The following EZR variants were observed in gnomAD, a reference collection of about 807,000 sequenced individuals.
EZR encodes the protein ezrin, also known as cytovillin 2.
In EZR, 40 loss-of-function variants were observed where a neutral mutation model predicts 74.8. That is an observed-to-expected ratio of 0.53 (90% CI 0.42 to 0.70). The LOEUF is 0.70. Ranked by LOEUF, EZR falls within the 30% of genes least tolerant of loss-of-function variation. The pLI, the probability that EZR is intolerant of heterozygous loss-of-function variation, is 0.00. For synonymous variants in EZR, 341 were observed against 283.3 expected, an observed-to-expected ratio of 1.20 and a Z score of -2.05; for missense variants, 678 against 755.8, an observed-to-expected ratio of 0.90 and a Z score of 1.21.
intron 3 of EZR, among the ~76,000 whole-genome samples, chr6:158,788,932 C>T (rs767018875): frequency 1.2e-4 from 19 of 152,242 alleles, no homozygotes; most frequent in East Asian, 7.7e-4. Context: ...GGTAGGAAGC[C>T]GCGTCTCTAA....
At chr6:158,767,161 G>T in intron 13 of EZR, 83 bp from the exon 14 acceptor site, 3 of 1,588,918 alleles carry the variant, frequency 1.9e-6, no homozygotes, top group Non-Finnish European at 2.6e-6. Flanking sequence ...AAGGGCAAGA[G>T]GGGTGCTGGG....
chr6:158,769,252 C>A (rs1198675652), intron 12 of EZR, 74 bp downstream of exon 12: 19 of 1,341,316 alleles, frequency 1.4e-5, no homozygotes, highest in Non-Finnish European at 1.6e-5. Context: ...CACCCACCTG[C>A]AGAAGGGCCC....
At position 158,766,066 on chromosome 6, in the gene EZR, C is replaced by T. The variant is rs1449657513; in HGVS notation, c.*848G>A. ...TAATCCTGTTTACACGTGACTGCAG[C>T]AGGCAGGTCCAGCTCCACCACTGCC... is the stretch of plus-strand genomic sequence containing the variant. On this transcript the variant is annotated 3_prime_UTR_variant, in exon 14 of 14. Coordinates refer to ENST00000367075, the MANE Select transcript of EZR (RefSeq NM_001111077.2). 6.6e-6 allele frequency: 1 copy of T among 152,614 alleles called. No individual in the cohort carries two copies. The highest frequency in any genetic ancestry group is 1.9e-4 in the East Asian group (1 of 5,200). 9.5% of individuals were successfully genotyped at this position (152,614 alleles called of 1,614,324 possible). A position where few individuals can be genotyped will look rare whatever the true frequency, so the allele number is the denominator to read the frequency against.
At chr6:158,813,577 C>T (rs992130296) in intron 2 of EZR, among the ~76,000 whole-genome samples, 1 of 152,238 alleles carries the variant, frequency 6.6e-6, no homozygotes, top group African/African-American at 2.4e-5. Context: ...AGATGCTACG[C>T]ATCCTCCTCA....
chr6:158,795,978 C>T (rs909376729), intron 2 of EZR, among the ~76,000 whole-genome samples: 1 of 152,204 alleles, frequency 6.6e-6, no homozygotes, highest in Non-Finnish European at 1.5e-5. Flanking sequence ...GGCCTTTTCC[C>T]ACTCTGAAAT....
At position 158,809,133 on chromosome 6, in the gene EZR, T is replaced by C. The variant is rs113569815; in HGVS notation, c.12+8949A>G. 5.3e-3 allele frequency among the ~76,000 whole-genome samples: 814 copies of C among 152,336 alleles called. 4 individuals are homozygous for C. Among genetic ancestry groups the C allele is most frequent in the African/African-American group, 0.019 (771 of 41,572 alleles). On this transcript the variant is annotated intron_variant, in intron 2 of 13. Transcript: ENST00000367075. ...AACAACACCTATCCTCTTGCTTTGCTGCCAGAAAAGACAAAAAGCACAAAT... is the reference window on the plus strand; with the variant it reads ...AACAACACCTATCCTCTTGCTTTGCCGCCAGAAAAGACAAAAAGCACAAAT...
chr6:158,777,837 C>T (rs556810077), intron 7 of EZR, among the ~76,000 whole-genome samples: 1 of 152,252 alleles, frequency 6.6e-6, no homozygotes, highest in South Asian at 2.1e-4. Context: ...CTGGCCAGAC[C>T]ATGGTTCTAA....
At chr6:158,773,224 A>G (rs961185068) in intron 8 of EZR, among the ~76,000 whole-genome samples, 3 of 152,150 alleles carry the variant, frequency 2.0e-5, no homozygotes, top group African/African-American at 7.2e-5. Context: ...GAAAAACCTC[A>G]ATGGTTAACA....
At chr6:158,790,179 T>C (rs914254595) in intron 2 of EZR, among the ~76,000 whole-genome samples, 56 of 152,122 alleles carry the variant, frequency 3.7e-4, no homozygotes, top group African/African-American at 1.2e-3. Flanking sequence ...ATTACGAAAA[T>C]AGTAGAAACT....
At position 158,782,360 on chromosome 6, in the gene EZR, G is replaced by A. The variant is rs149248505; in HGVS notation, c.698+1160C>T. Among the ~76,000 whole-genome samples the A allele has an allele frequency of 5.0e-3, 761 of 152,330 alleles. 4 individuals carry two copies. Among genetic ancestry groups the A allele is most frequent in the Middle Eastern group, 0.01 (3 of 294 alleles). On this transcript the variant is annotated intron_variant, in intron 7 of 13. Coordinates refer to ENST00000367075, the MANE Select transcript of EZR (RefSeq NM_001111077.2). ...TGGAAAGCAGCACCACTCCCTTTGA[G>A]AACTCCAGAGAGGGTTTTGGGGGAA...
Position 158,789,311 on chromosome 6 carries a change from T to C in EZR, c.73A>G (p.Thr25Ala), listed in dbSNP as rs766332140. Residue 25 changes from threonine to alanine, a missense_variant, in exon 3 of 14, where the codon ACT (threonine) becomes GCT (alanine). Thr to Ala is a moderately conservative substitution (Grantham distance 58). Coordinates refer to ENST00000367075, the MANE Select transcript of EZR (RefSeq NM_001111077.2). ...ELEFAIQPNT[T>A]GKQLFDQVVK... ...ACCTGATCAAAAAGCTGTTTTCCAG[T>C]TGTATTTGGCTGGATTGCAAACTCC... The C allele has an allele frequency of 6.2e-7, 1 of 1,614,182 alleles. No individual in the cohort carries two copies. The highest frequency in any genetic ancestry group is 8.5e-7 in the Non-Finnish European group (1 of 1,179,984).
intron 1 of EZR, 110 bp from the exon 2 acceptor site, chr6:158,818,276 G>A (rs546754412): frequency 3.8e-5 from 18 of 473,400 alleles, no homozygotes; most frequent in East Asian, 1.8e-4. Context: ...CGGCCAGCCC[G>A]GGCCCGGGTG....
chr6:158,774,930 G>A (rs989566035), intron 8 of EZR, among the ~76,000 whole-genome samples: 7 of 151,818 alleles, frequency 4.6e-5, no homozygotes, highest in Non-Finnish European at 1.0e-4. Context: ...AATATGAACT[G>A]CTGCCATGGA....
chr6:158,803,143 G>A (rs1367854384), intron 2 of EZR, among the ~76,000 whole-genome samples: 1 of 152,026 alleles, frequency 6.6e-6, no homozygotes, highest in Non-Finnish European at 1.5e-5. Context: ...TGCAGCAGAC[G>A]TTAACAGGGC....
At chr6:158,776,948 A>G (rs1180445950) in intron 7 of EZR, among the ~76,000 whole-genome samples, 2 of 152,024 alleles carry the variant, frequency 1.3e-5, no homozygotes, top group East Asian at 3.9e-4. Flanking sequence ...GATCTGATTA[A>G]TTTCCTCTCC....
chr6:158,818,230 A>ACACTCGGCGCCCGC lies in EZR; in HGVS notation c.-73-78_-73-65dup, dbSNP rs1324340216. 1.4e-4 allele frequency: 125 copies of ACACTCGGCGCCCGC among 882,594 alleles called. 1 individual carries two copies. The highest frequency in any genetic ancestry group is 8.1e-4 in the Admixed American group (31 of 38,228). 54.7% of individuals were successfully genotyped at this position (882,594 alleles called of 1,614,324 possible). ...CTGCCTCGTCCTCCTGCCGCGCCCGACACTCGGCGCCCGCAGCGCGCTGCC... is the reference window on the plus strand; with the variant it reads ...CTGCCTCGTCCTCCTGCCGCGCCCGACACTCGGCGCCCGCCACTCGGCGCCCGCAGCGCGCTGCC... On this transcript the variant is annotated intron_variant, in intron 1 of 13. Coordinates refer to ENST00000367075, the MANE Select transcript of EZR (RefSeq NM_001111077.2).
chr6:158,814,396 A>G (rs1218881979), intron 2 of EZR, among the ~76,000 whole-genome samples: 1 of 92,208 alleles, frequency 1.1e-5, no homozygotes, highest in Non-Finnish European at 2.4e-5. Flanking sequence ...GACGTTACCT[A>G]GGCTCTTTCC....
intron 10 of EZR, 119 bp from the exon 11 acceptor site, chr6:158,770,063 T>C (rs2128565153): frequency 1.5e-6 from 2 of 1,307,790 alleles, no homozygotes; most frequent in South Asian, 2.8e-5. Flanking sequence ...GTTGAGGGGA[T>C]GTCTTCCAGT....
At chr6:158,798,141 T>C (rs2128573251) in intron 2 of EZR, among the ~76,000 whole-genome samples, 1 of 152,366 alleles carries the variant, frequency 6.6e-6, no homozygotes, top group African/African-American at 2.4e-5. Context: ...GTTATTCATG[T>C]TGTAGCATGT....
Sources: gnomAD v4.1 joint callset for allele counts (sites outside exome capture counted in the v4.1 genomes callset) on GRCh38, gnomAD v4.1.1 for gene constraint, MANE v1.5 for transcripts, NCBI Gene and HGNC (gene_info 2026-07-23, HGNC 2026-07-21) for gene names.